The following SBNO2 variants were observed in gnomAD, a reference collection of about 807,000 sequenced individuals.
SBNO2 encodes the protein strawberry notch homolog 2.
Under a neutral mutation model 146.3 loss-of-function variants are expected in SBNO2, and 89 were observed. The observed-to-expected ratio is 0.61, with a 90% CI of 0.51 to 0.73. The LOEUF (loss-of-function observed/expected upper bound fraction) is 0.73. Among genes scored for constraint, SBNO2 ranks in the 30% least tolerant of loss-of-function variants. SBNO2 has a pLI of 0.00. For synonymous variants in SBNO2, 1,147 were observed against 892.6 expected, an observed-to-expected ratio of 1.29 and a Z score of -5.08; for missense variants, 2,092 against 2,003.7, an observed-to-expected ratio of 1.04 and a Z score of -0.84.
At chr19:1,156,262 C>T (rs1359262140) in intron 1 of SBNO2, among the ~76,000 whole-genome samples, 1 of 152,112 alleles carries the variant, frequency 6.6e-6, no homozygotes, top group Non-Finnish European at 1.5e-5. Flanking sequence ...CCAGGAGGCT[C>T]AGGGGACCGG....
chr19:1,168,281 G>A (rs993259613), intron 1 of SBNO2, among the ~76,000 whole-genome samples: 5 of 152,038 alleles, frequency 3.3e-5, no homozygotes, highest in Admixed American at 1.3e-4. Flanking sequence ...GCTCCTGGCG[G>A]GTAGCAGTCA....
Position 1,149,459 on chromosome 19 carries a change from G to T in SBNO2, c.94-17C>A. On this transcript the variant is annotated splice_polypyrimidine_tract_variant and intron_variant, in intron 2 of 31. Transcript: ENST00000361757. ...CATGGCGCTCTAGAAGAGACAGCGGGCATCAGTGAGTGGGAAGCAGAGGAC... is the reference window on the plus strand; with the variant it reads ...CATGGCGCTCTAGAAGAGACAGCGGTCATCAGTGAGTGGGAAGCAGAGGAC... 6.5e-7 allele frequency: 1 copy of T among 1,549,740 alleles called. No individual in the cohort carries two copies. The highest frequency in any genetic ancestry group is 8.7e-7 in the Non-Finnish European group (1 of 1,146,300).
Position 1,109,646 on chromosome 19 carries a change from G to A in SBNO2, c.3123+37C>T, listed in dbSNP as rs2079729944. 6.3e-7 allele frequency: 1 copy of A among 1,596,350 alleles called. No homozygotes were observed. The highest frequency in any genetic ancestry group is 2.2e-4 in the Middle Eastern group (1 of 4,636). ...GGTGTGAGTGTGGTGGGGGCGGGGT[G>A]GGCAGAGTGTGAGGGGCTGTGGGGC... On this transcript the variant is annotated intron_variant, in intron 27 of 31. Transcript: ENST00000361757. The surrounding 1 kb of genome is among the most constrained non-coding windows in gnomAD (Gnocchi z 4.2).
chr19:1,123,712 A>G, intron 6 of SBNO2, 73 bp from the exon 7 acceptor site: 1 of 1,438,706 alleles, frequency 7.0e-7, no homozygotes. Flanking sequence ...CCCCAGGGGC[A>G]GGGGCCAGGC....
At chr19:1,125,678 A>C (rs2079957267) in intron 5 of SBNO2, among the ~76,000 whole-genome samples, 1 of 151,830 alleles carries the variant, frequency 6.6e-6, no homozygotes, top group Non-Finnish European at 1.5e-5. Flanking sequence ...TCTGTCTTAA[A>C]AAAAGAAAAA....
chr19:1,161,414 C>T (rs1174295549), intron 1 of SBNO2, among the ~76,000 whole-genome samples: 1 of 74,064 alleles, frequency 1.4e-5, no homozygotes, highest in Non-Finnish European at 2.6e-5. Flanking sequence ...ACTGGGGGTG[C>T]CTGAGTACTG....
At chr19:1,118,016 G>A (rs1003223514) in intron 14 of SBNO2, among the ~76,000 whole-genome samples, 5 of 152,360 alleles carry the variant, frequency 3.3e-5, no homozygotes, top group Admixed American at 2.0e-4. Context: ...GGGGTTACGG[G>A]AGATGCTGGT....
chr19:1,132,871 C>A (rs1341885664), intron 4 of SBNO2, among the ~76,000 whole-genome samples: 1 of 152,248 alleles, frequency 6.6e-6, no homozygotes, highest in African/African-American at 2.4e-5. Flanking sequence ...CCGGCCTCGG[C>A]CCCCTGGGCA....
At chr19:1,149,252 TC>T (rs2080220579) in intron 3 of SBNO2, 116 bp downstream of exon 3, 1 of 950,926 alleles carries the variant, frequency 1.1e-6, no homozygotes, top group Non-Finnish European at 1.6e-6. Context: ...CACACCACCC[TC>T]CAAACCCCTC....
rs759751371 is a variant in SBNO2 at position 1,108,216 on chromosome 19, C to A, written c.*4G>T. 1.6e-5 allele frequency: 25 copies of A among 1,525,896 alleles called. No individual in the cohort carries two copies. The South Asian group carries it at 2.9e-4, about 18-fold the overall frequency. The allele number at this position is 1,525,896 out of a possible 1,614,324, so 94.5% of individuals were successfully genotyped here. ...TCTTGGGGCATGTTTCGCCTAAAGG[C>A]GTGTCAGAGAGGAGCCTGGGCGCCG... On this transcript the variant is annotated 3_prime_UTR_variant, in exon 32 of 32. Coordinates refer to ENST00000361757, the MANE Select transcript of SBNO2 (RefSeq NM_014963.3).
chr19:1,139,630 A>G (rs1599858403), intron 4 of SBNO2, among the ~76,000 whole-genome samples: 1 of 152,150 alleles, frequency 6.6e-6, no homozygotes, highest in Non-Finnish European at 1.5e-5. Context: ...CCCCGTCTCT[A>G]CTAAAAATAC....
At chr19:1,141,555 T>C (rs771950765) in intron 4 of SBNO2, among the ~76,000 whole-genome samples, 2 of 152,028 alleles carry the variant, frequency 1.3e-5, no homozygotes, top group South Asian at 4.2e-4. Flanking sequence ...TGAGGTCTCA[T>C]TATGTTGCCC....
At chr19:1,121,085 T>C (rs2079895655) in intron 11 of SBNO2, among the ~76,000 whole-genome samples, 1 of 152,026 alleles carries the variant, frequency 6.6e-6, no homozygotes, top group Non-Finnish European at 1.5e-5. Context: ...ACAGACGTGG[T>C]TTCACCATGT....
intron 23 of SBNO2, among the ~76,000 whole-genome samples, 153 bp downstream of exon 23, chr19:1,111,843 T>C (rs1465073913): frequency 6.9e-6 from 1 of 145,034 alleles, no homozygotes; most frequent in East Asian, 2.0e-4. Flanking sequence ...GAAGCCCCCT[T>C]CCCCCCTGGG....
rs775124011 is a variant in SBNO2, at chr19:1,108,792, C to T, written c.3603G>A (p.Arg1201=). 7 of 1,603,100 alleles carry T rather than the reference C, an allele frequency of 4.4e-6. No individual in the cohort carries two copies. In the South Asian group the frequency reaches 4.4e-5, roughly 10 times the overall value. The change falls in exon 31 of 32, where the codon AGG becomes AGA. Residue 1201 remains arginine, a synonymous_variant. Coordinates refer to ENST00000361757, the MANE Select transcript of SBNO2 (RefSeq NM_014963.3). Reference sequence around the variant, plus strand: ...CCGCCCACTCACCCACTTGCTTCTTCCTGTCCTTGGTCTTCAGCCGCACGA... The same window carrying T: ...CCGCCCACTCACCCACTTGCTTCTTTCTGTCCTTGGTCTTCAGCCGCACGA... ...LQIVRLKTKD[R]KKQVGIKIPE...
At chr19:1,135,634 G>C (rs958761376) in intron 4 of SBNO2, among the ~76,000 whole-genome samples, 1 of 152,222 alleles carries the variant, frequency 6.6e-6, no homozygotes, top group Non-Finnish European at 1.5e-5. Flanking sequence ...TGTCCAGGGT[G>C]CACCCCTCAC....
chr19:1,133,612 C>T (rs1004505085), intron 4 of SBNO2, among the ~76,000 whole-genome samples: 7 of 152,212 alleles, frequency 4.6e-5, no homozygotes, highest in Non-Finnish European at 7.4e-5. Context: ...GGGTCCGTGC[C>T]GCTGGGGCGA....
chr19:1,160,068 T>C (rs2080329726), intron 1 of SBNO2, among the ~76,000 whole-genome samples: 1 of 152,092 alleles, frequency 6.6e-6, no homozygotes, highest in Non-Finnish European at 1.5e-5. Context: ...CACCACCCTC[T>C]CACACGTTCC....
intron 1 of SBNO2, among the ~76,000 whole-genome samples, chr19:1,162,578 G>A (rs1023569780): frequency 5.3e-5 from 8 of 152,086 alleles, no homozygotes; most frequent in Admixed American, 3.9e-4. Flanking sequence ...TGACGCCCCG[G>A]AGGGACCAGC....
Sources: gnomAD v4.1 joint callset for allele counts (sites outside exome capture counted in the v4.1 genomes callset) on GRCh38, gnomAD v4.1.1 for gene constraint, Gnocchi (gnomAD v3.1) non-coding constraint, MANE v1.5 for transcripts, NCBI Gene and HGNC (gene_info 2026-07-23, HGNC 2026-07-21) for gene names.